Variants in RFT1 observed in about 807,000 individuals in gnomAD.
The protein encoded by RFT1 is RFT1 glycolipid translocator homolog.
In RFT1, 43 loss-of-function variants were observed where a neutral mutation model predicts 62.2. The observed-to-expected ratio is 0.69, with a 90% confidence interval of 0.54 to 0.89. RFT1 has a LOEUF of 0.89. Among genes scored for constraint, RFT1 ranks in the 40% least tolerant of loss-of-function variants. The probability of loss-of-function intolerance (pLI) is 0.00; values close to 1 mark genes in which losing one functional copy is unlikely to be tolerated. For synonymous variants in RFT1, 262 were observed against 264.6 expected (o/e 0.99, Z 0.10); for missense variants, 605 against 649.9 (o/e 0.93, Z 0.75).
In RFT1 at chr3:53,104,010, C is replaced by G; in HGVS notation, c.1045G>C (p.Ala349Pro). The G allele has an allele frequency of 6.2e-7, 1 of 1,614,182 alleles. No homozygotes were observed. The highest frequency in any genetic ancestry group is 8.5e-7 in the Non-Finnish European group (1 of 1,180,038). Reference protein sequence around the residue: ...AGLTITVFGFAYSQLALDIYG... With the variant: ...AGLTITVFGFPYSQLALDIYG... ...ATATCCAGAGCCAGCTGAGAATAGGCAAAGCCAAAAACAGTGATGGTCAGG... is the reference window on the plus strand; with the variant it reads ...ATATCCAGAGCCAGCTGAGAATAGGGAAAGCCAAAAACAGTGATGGTCAGG... The change falls in exon 10 of 13, where the codon GCC (alanine) becomes CCC (proline). Residue 349 changes from alanine to proline, a missense_variant. Ala to Pro is a conservative substitution (Grantham distance 27). Coordinates refer to ENST00000296292, the MANE Select transcript of RFT1 (RefSeq NM_052859.4).
chr3:53,129,737 CA>C (rs1702206009), intron 1 of RFT1, among the ~76,000 whole-genome samples: 1 of 152,170 alleles, frequency 6.6e-6, no homozygotes, highest in Admixed American at 6.6e-5. Flanking sequence ...GTATTAAATG[CA>C]TACTAAGAGC....
Position 53,105,784 on chromosome 3 carries a change from A to T in RFT1, c.846T>A (p.Asn282Lys). The T allele has an allele frequency of 6.2e-7, 1 of 1,613,892 alleles. No individual in the cohort carries two copies. The highest frequency in any genetic ancestry group is 8.5e-7 in the Non-Finnish European group (1 of 1,179,834). The change falls in exon 9 of 13, where the codon AAT becomes AAA. Residue 282 changes from asparagine to lysine, a missense_variant. Coordinates refer to ENST00000296292, the MANE Select transcript of RFT1 (RefSeq NM_052859.4). ...ATCTGGCCACAAGGGAGCCAAGATT[A>T]TTCACTATATCATACACACCTACAA... is the stretch of plus-strand genomic sequence containing the variant. ...FGDQGVYDIV[N>K]NLGSLVARLI...
chr3:53,129,442 C>G (rs1252789732), intron 1 of RFT1, among the ~76,000 whole-genome samples: 3 of 152,100 alleles, frequency 2.0e-5, no homozygotes, highest in Non-Finnish European at 4.4e-5. Context: ...GGCCCAAACT[C>G]AAGCCCCATT....
chr3:53,095,694 C>T (rs1003973584), intron 11 of RFT1, among the ~76,000 whole-genome samples: 2 of 148,300 alleles, frequency 1.3e-5, no homozygotes, highest in South Asian at 2.2e-4. Context: ...TCAGCCTGGG[C>T]GACAGAGTGA....
At chr3:53,103,510 G>T in intron 10 of RFT1, 1 of 196,846 alleles carries the variant, frequency 5.1e-6, no homozygotes, top group Admixed American at 5.4e-5. Flanking sequence ...TCTGCAAATG[G>T]CTTTGGGTTA....
chr3:53,084,202 C>G (rs894263220), downstream of RFT1, among the ~76,000 whole-genome samples: 1 of 152,240 alleles, frequency 6.6e-6, no homozygotes, highest in African/African-American at 2.4e-5. Context: ...TCCTACATCA[C>G]CAGCTTCCCT....
At chr3:53,105,514 G>A (rs1396710754) in intron 9 of RFT1, among the ~76,000 whole-genome samples, 159 bp downstream of exon 9, 1 of 151,640 alleles carries the variant, frequency 6.6e-6, no homozygotes, top group African/African-American at 2.4e-5. Flanking sequence ...AAGAAGAGGT[G>A]AGCCCTGGGT....
At chr3:53,098,416 G>C (rs979195950) in intron 11 of RFT1, among the ~76,000 whole-genome samples, 1 of 139,900 alleles carries the variant, frequency 7.1e-6, no homozygotes, top group Non-Finnish European at 1.5e-5. Context: ...GGAGGGGGAA[G>C]GGTCCCCATT....
chr3:53,107,444 TAAG>T (rs936413407), intron 7 of RFT1, among the ~76,000 whole-genome samples: 10 of 152,068 alleles, frequency 6.6e-5, no homozygotes, highest in African/African-American at 2.2e-4. Context: ...GCCCTAAAAA[TAAG>T]TTTTTAAAAA....
chr3:53,125,444 C>T (rs548515068), intron 2 of RFT1, among the ~76,000 whole-genome samples: 2 of 152,188 alleles, frequency 1.3e-5, no homozygotes, highest in African/African-American at 2.4e-5. Context: ...GACTCAAGCT[C>T]GAATCCCAGT....
chr3:53,128,789 G>A (rs1702181018), intron 1 of RFT1, among the ~76,000 whole-genome samples: 1 of 152,232 alleles, frequency 6.6e-6, no homozygotes, highest in Non-Finnish European at 1.5e-5. Flanking sequence ...GGGATGACAG[G>A]CATGAGCCAC....
At chr3:53,079,633 C>T in the RFT1 span, among the ~76,000 whole-genome samples, 36 of 152,220 alleles carry the variant, frequency 2.4e-4, no homozygotes, top group Admixed American at 7.9e-4. Flanking sequence ...ACTTGAGAGG[C>T]TGAGGCAGGA....
chr3:53,121,724 C>T lies in RFT1; in HGVS notation c.533G>A (p.Gly178Glu), dbSNP rs373067263. The T allele has an allele frequency of 9.3e-6, 15 of 1,613,724 alleles. No individual in the cohort carries two copies. In the African/African-American group the frequency reaches 2.0e-4, roughly 22 times the overall value. ...CTGGGCCAAAGAGAAAATGTACAATCCCCAGTGAGGCAACCACAGCACGAG... is the reference window on the plus strand; with the variant it reads ...CTGGGCCAAAGAGAAAATGTACAATTCCCAGTGAGGCAACCACAGCACGAG... ...AFLVLWLPHW[G>E]LYIFSLAQLF... is the part of the protein sequence containing the mutation. Residue 178 changes from glycine (G) to glutamate (E), a missense_variant, in exon 5 of 13, where the codon GGA becomes GAA. By Grantham distance (98) the Gly-to-Glu change is moderately conservative. Coordinates refer to ENST00000296292, the MANE Select transcript of RFT1 (RefSeq NM_052859.4).
intron 10 of RFT1, among the ~76,000 whole-genome samples, chr3:53,101,916 G>A (rs966616334): frequency 2.0e-5 from 3 of 152,064 alleles, no homozygotes; most frequent in Non-Finnish European, 2.9e-5. Flanking sequence ...GGGTGTGCCT[G>A]TAATCTCAGC....
In RFT1 at chr3:53,091,948, G is replaced by A. The variant is rs2107069217; in HGVS notation, c.1581C>T (p.Leu527=). ...GTCTGGGCACACCTAACTGAGTCCT[G>A]AGGAAATGGATCAGCTTGGTCTCTG... ...FLTETKLIHF[L]RTQLGVPRRT... Residue 527 remains leucine (L), a synonymous_variant, in exon 13 of 13, where the codon CTC becomes CTT. Coordinates refer to ENST00000296292, the MANE Select transcript of RFT1 (RefSeq NM_052859.4). 1 of 1,614,276 alleles carries A rather than the reference G, an allele frequency of 6.2e-7. No individual in the cohort carries two copies. The highest frequency in any genetic ancestry group is 8.5e-7 in the Non-Finnish European group (1 of 1,180,054).
chr3:53,123,796 G>A lies in RFT1; in HGVS notation c.194C>T (p.Ala65Val). ...YSTTLFLARE[A>V]FRRACLSGGT... The stretch of plus-strand genomic sequence containing the variant: ...CCCACTGAGACATGCTCTGCGGAAG[G>A]CCTCTCTGGCCAGGAAGAGGGTGGT... The change falls in exon 3 of 13, where the codon GCC becomes GTC. Residue 65 changes from alanine to valine, a missense_variant. Physicochemically the swap from Ala to Val is moderately conservative, Grantham distance 64 (BLOSUM62 0). Transcript: ENST00000296292. 2 of 1,614,218 alleles carry A rather than the reference G, an allele frequency of 1.2e-6. No individual in the cohort carries two copies. Among genetic ancestry groups the A allele is most frequent in the East Asian group, 2.2e-5 (1 of 44,886 alleles).
the RFT1 span, among the ~76,000 whole-genome samples, chr3:53,081,200 C>T: frequency 3.9e-5 from 6 of 152,206 alleles, no homozygotes; most frequent in African/African-American, 1.2e-4. Flanking sequence ...AGTTCATCAA[C>T]GCCATGCATT....
intron 8 of RFT1, 105 bp downstream of exon 8, chr3:53,106,714 T>C: frequency 2.3e-6 from 2 of 879,752 alleles, no homozygotes; most frequent in Non-Finnish European, 3.7e-6. Flanking sequence ...GGATTTTCTT[T>C]AATCTTCAGG....
intron 5 of RFT1, among the ~76,000 whole-genome samples, chr3:53,120,469 T>C (rs544621571): frequency 6.6e-6 from 1 of 152,330 alleles, no homozygotes; most frequent in Admixed American, 6.5e-5. Flanking sequence ...ACCTGTGCCA[T>C]TAATGATTAC....
Sources: allele counts gnomAD v4.1 joint callset (sites outside exome capture counted in the v4.1 genomes callset), GRCh38; gene constraint gnomAD v4.1.1; transcripts MANE v1.5; gene names NCBI Gene and HGNC (gene_info 2026-07-23, HGNC 2026-07-21).